The following OLFM3 variants were observed in gnomAD, a reference collection of about 807,000 sequenced individuals.
OLFM3 encodes the protein olfactomedin 3.
A neutral mutation model predicts 48.6 loss-of-function variants in OLFM3; 20 were observed. The ratio of observed to expected loss-of-function variants is 0.41; its 90% CI spans 0.29 to 0.60. The LOEUF is 0.60. OLFM3 is among the 20% of genes least tolerant of loss of function. OLFM3 has a pLI of 0.28. For synonymous variants in OLFM3, 222 were observed against 198.1 expected (o/e 1.12, Z -1.01); for missense variants, 437 against 544.3 (o/e 0.80, Z 1.96).
intron 1 of OLFM3, among the ~76,000 whole-genome samples, chr1:101,988,430 A>G (rs1661310835): frequency 1.3e-5 from 2 of 152,102 alleles, no homozygotes; most frequent in African/African-American, 2.4e-5. Flanking sequence ...GGAAATTAAC[A>G]AGAAATTTAA....
intron 1 of OLFM3, among the ~76,000 whole-genome samples, chr1:101,930,351 G>GT (rs746985405): frequency 3.9e-5 from 6 of 152,128 alleles, no homozygotes; most frequent in African/African-American, 1.4e-4. Flanking sequence ...TACTCTGTGA[G>GT]TTTTTTTGAA....
intron 4 of OLFM3, among the ~76,000 whole-genome samples, chr1:101,813,699 C>A (rs974569443): frequency 6.6e-6 from 1 of 152,226 alleles, no homozygotes; most frequent in South Asian, 2.1e-4. Context: ...GTCTGTCATC[C>A]ATTAGCTATC....
Position 101,944,432 on chromosome 1 carries a change from C to T in OLFM3, c.69+52316G>A, listed in dbSNP as rs549182774. 2.0e-5 allele frequency among the ~76,000 whole-genome samples: 3 copies of T among 152,242 alleles called. No homozygotes were observed. The East Asian group carries it at 5.8e-4, about 29-fold the overall frequency. On this transcript the variant is annotated intron_variant, in intron 1 of 5. Transcript: ENST00000370103. The stretch of plus-strand genomic sequence containing the variant: ...AGCCAGAGACAAATTTCAATAGTGC[C>T]TATTCAAGCAGTGCTTAAAGGAGGG...
chr1:101,967,483 T>G (rs1177226294), intron 1 of OLFM3, among the ~76,000 whole-genome samples: 1 of 149,710 alleles, frequency 6.7e-6, no homozygotes, highest in Non-Finnish European at 1.5e-5. Context: ...GATCAATTAT[T>G]CAGGGCTGGT....
At chr1:101,806,581 C>A (rs1176987771) in intron 4 of OLFM3, among the ~76,000 whole-genome samples, 1 of 151,736 alleles carries the variant, frequency 6.6e-6, no homozygotes, top group East Asian at 1.9e-4. Flanking sequence ...TGTCCCCATG[C>A]TTTGTGACTA....
intron 4 of OLFM3, among the ~76,000 whole-genome samples, chr1:101,817,290 T>TC (rs1654377619): frequency 6.6e-6 from 1 of 152,104 alleles, no homozygotes. Context: ...GAGTCTTGCT[T>TC]CATTGATTTT....
intron 1 of OLFM3, among the ~76,000 whole-genome samples, chr1:101,956,489 T>C (rs1265775659): frequency 6.6e-6 from 1 of 151,920 alleles, no homozygotes; most frequent in Non-Finnish European, 1.5e-5. Flanking sequence ...CCTCACCTTC[T>C]CTTCTTAGGA....
chr1:101,805,042 G>T (rs1352862940), intron 5 of OLFM3, 127 bp from the exon 6 acceptor site: 1 of 691,456 alleles, frequency 1.4e-6, no homozygotes, highest in Non-Finnish European at 2.4e-6. Flanking sequence ...CTATCTTACT[G>T]CTGACCTGCC....
intron 1 of OLFM3, among the ~76,000 whole-genome samples, chr1:101,957,897 GGATAGGGAGGGT>G (rs1001629143): frequency 5.3e-5 from 8 of 152,038 alleles, no homozygotes; most frequent in Admixed American, 4.6e-4. Context: ...ATATCCCAAG[GGATAGGGAGGGT>G]GATAACATAA....
intron 3 of OLFM3, among the ~76,000 whole-genome samples, chr1:101,828,874 T>C (rs1329499083): frequency 6.6e-6 from 1 of 152,212 alleles, no homozygotes. Flanking sequence ...TATTTTACCA[T>C]CTACACTCTA....
intron 1 of OLFM3, among the ~76,000 whole-genome samples, chr1:101,871,753 TTAAA>T (rs1346000866): frequency 2.0e-5 from 3 of 152,024 alleles, no homozygotes; most frequent in Non-Finnish European, 4.4e-5. Flanking sequence ...TATAATATTA[TTAAA>T]TACTTTGAAA....
At chr1:101,867,764 T>G (rs546762876) in intron 1 of OLFM3, among the ~76,000 whole-genome samples, 1 of 152,220 alleles carries the variant, frequency 6.6e-6, no homozygotes, top group Non-Finnish European at 1.5e-5. Context: ...TTTTGCTTCA[T>G]AAAGTCAGCA....
Position 101,806,091 on chromosome 1 carries a change from A to G in OLFM3, c.684T>C (p.Ser228=). 1.9e-6 allele frequency: 3 copies of G among 1,611,296 alleles called. No individual in the cohort carries two copies. The highest frequency in any genetic ancestry group is 2.5e-6 in the Non-Finnish European group (3 of 1,178,068). The part of the protein sequence containing the change: ...FGAWMTDPLA[S]EKNNRVWYMD... Reference sequence around the variant, plus strand: ...AGAAACATACTCTGTTGTTTTTCTCAGATGCTAAAGGGTCTGTCATCCAAG... The same window carrying G: ...AGAAACATACTCTGTTGTTTTTCTCGGATGCTAAAGGGTCTGTCATCCAAG... Residue 228 remains serine, a synonymous_variant, in exon 5 of 6, where the codon TCT becomes TCC. Coordinates refer to ENST00000370103, the MANE Select transcript of OLFM3 (RefSeq NM_058170.4).
intron 1 of OLFM3, among the ~76,000 whole-genome samples, chr1:101,946,155 T>C (rs1341881045): frequency 1.5e-4 from 23 of 151,864 alleles, no homozygotes; most frequent in Admixed American, 1.4e-3. Context: ...CTGCAGAAGG[T>C]AAAAGAGAAA....
chr1:101,917,502 T>C (rs1029396286), intron 1 of OLFM3, among the ~76,000 whole-genome samples: 2 of 121,286 alleles, frequency 1.6e-5, no homozygotes, highest in Non-Finnish European at 1.8e-5. Flanking sequence ...CTGCAACCTC[T>C]GCCTCTCAGG....
At chr1:101,942,798 A>G (rs967851854) in intron 1 of OLFM3, among the ~76,000 whole-genome samples, 8 of 152,192 alleles carry the variant, frequency 5.3e-5, no homozygotes, top group African/African-American at 1.9e-4. Flanking sequence ...GAGAAGCCAA[A>G]TTTCCATTCT....
chr1:101,914,321 GT>G (rs1658857696), intron 1 of OLFM3, among the ~76,000 whole-genome samples: 1 of 152,088 alleles, frequency 6.6e-6, no homozygotes, highest in African/African-American at 2.4e-5. Context: ...TTACCACATT[GT>G]TTTTGAAATT....
chr1:101,983,031 C>T (rs925775579), intron 1 of OLFM3, among the ~76,000 whole-genome samples: 2 of 152,138 alleles, frequency 1.3e-5, no homozygotes, highest in Non-Finnish European at 2.9e-5. Flanking sequence ...GTTAAGATAA[C>T]TAAATTCCAG....
intron 1 of OLFM3, among the ~76,000 whole-genome samples, chr1:101,955,726 T>G (rs903046283): frequency 6.6e-6 from 1 of 152,088 alleles, no homozygotes; most frequent in Middle Eastern, 3.4e-3. Flanking sequence ...ATAATCTCAT[T>G]TACCCAATGG....
Sources: allele counts gnomAD v4.1 joint callset (sites outside exome capture counted in the v4.1 genomes callset), GRCh38; gene constraint gnomAD v4.1.1; transcripts MANE v1.5; gene names NCBI Gene and HGNC (gene_info 2026-07-23, HGNC 2026-07-21).